Variants in RBFOX1 observed in about 807,000 individuals in gnomAD.
RBFOX1 encodes RNA binding protein fox-1 homolog 1.
RBFOX1 carries 8 observed loss-of-function variants against 57.7 expected under a neutral mutation model. The observed-to-expected ratio is 0.14, with a 90% CI of 0.08 to 0.25. The LOEUF (loss-of-function observed/expected upper bound fraction) is 0.25, where lower values mean the gene tolerates loss of function less well. RBFOX1 is among the 10% of genes least tolerant of loss of function. The pLI, the probability that RBFOX1 is intolerant of heterozygous loss-of-function variation, is 1.00. For missense variants in RBFOX1, 611 were observed against 548.5 expected, an observed-to-expected ratio of 1.11 and a Z score of -1.14; for synonymous variants, 326 against 222.4, an observed-to-expected ratio of 1.47 and a Z score of -4.15.
At chr16:5,422,563 GGGA>G (rs1409187114) in intron 1 of RBFOX1, among the ~76,000 whole-genome samples, 5 of 95,832 alleles carry the variant, frequency 5.2e-5, no homozygotes, top group African/African-American at 2.1e-4. Flanking sequence ...GGGAAGAAAG[GGGA>G]GGAGGAGGGG....
At chr16:7,253,880 A>G (rs149956349) in intron 4 of RBFOX1, among the ~76,000 whole-genome samples, 70 of 152,222 alleles carry the variant, frequency 4.6e-4, no homozygotes, top group Middle Eastern at 3.4e-3. Flanking sequence ...AGGATTTAAT[A>G]TTTTGTTCGT....
At chr16:7,218,053 ATGCGTG>A (rs1460046913) in intron 4 of RBFOX1, among the ~76,000 whole-genome samples, 2 of 143,348 alleles carry the variant, frequency 1.4e-5, no homozygotes, top group Non-Finnish European at 3.0e-5. Flanking sequence ...GTGCATTTGC[ATGCGTG>A]TGCGTGTGTG....
chr16:5,615,927 G>A (rs2048007097), intron 3 of RBFOX1, among the ~76,000 whole-genome samples: 1 of 152,184 alleles, frequency 6.6e-6, no homozygotes, highest in Non-Finnish European at 1.5e-5. Context: ...TGGAGCTTCT[G>A]TTAATGGGAA....
intron 14 of RBFOX1, among the ~76,000 whole-genome samples, chr16:7,706,129 G>A (rs1462550537): frequency 6.6e-6 from 1 of 152,146 alleles, no homozygotes; most frequent in Non-Finnish European, 1.5e-5. Flanking sequence ...TAGCACTCAA[G>A]TCCACATCTT....
At chr16:7,396,014 T>C (rs1034888503) in intron 4 of RBFOX1, among the ~76,000 whole-genome samples, 9 of 152,142 alleles carry the variant, frequency 5.9e-5, no homozygotes, top group African/African-American at 2.2e-4. Context: ...GAGCTTTCTC[T>C]TGATGGAGAG....
rs1291439626 is a variant in RBFOX1 at position 6,255,931 on chromosome 16, C to T, written c.-126-61064C>T. On this transcript the variant is annotated intron_variant, in intron 1 of 15. Coordinates refer to ENST00000550418, the MANE Select transcript of RBFOX1 (RefSeq NM_018723.4). ...GGGAGGGAGAGCGTTAGGACAAATA[C>T]CTAATGCATGCGGGGCTTAAAACCT... Among the ~76,000 whole-genome samples the T allele has an allele frequency of 2.0e-5, 3 of 151,250 alleles. No homozygotes were observed. The East Asian group carries it at 5.9e-4, about 30-fold the overall frequency.
intron 4 of RBFOX1, among the ~76,000 whole-genome samples, chr16:7,117,047 T>A (rs185634145): frequency 1.3e-5 from 2 of 152,110 alleles, no homozygotes; most frequent in Non-Finnish European, 2.9e-5. Context: ...AGGGGACAGT[T>A]TTGTCAAACA....
intron 5 of RBFOX1, among the ~76,000 whole-genome samples, chr16:7,540,521 C>G (rs1295939155): frequency 6.6e-6 from 1 of 152,180 alleles, no homozygotes; most frequent in Non-Finnish European, 1.5e-5. Context: ...CAACACATGT[C>G]AATGATTGCA....
intron 3 of RBFOX1, among the ~76,000 whole-genome samples, chr16:6,674,296 A>G (rs1447826192): frequency 3.9e-5 from 6 of 152,008 alleles, no homozygotes; most frequent in Non-Finnish European, 5.9e-5. Flanking sequence ...CGTAAAACCA[A>G]TGACTGGGTT....
intron 4 of RBFOX1, among the ~76,000 whole-genome samples, chr16:7,228,946 T>C (rs529315034): frequency 6.6e-6 from 1 of 152,072 alleles, no homozygotes; most frequent in Non-Finnish European, 1.5e-5. Flanking sequence ...TATAATAATA[T>C]TACAAGGCTT....
At chr16:6,386,944 TAA>T (rs1040422026) in intron 2 of RBFOX1, among the ~76,000 whole-genome samples, 76 of 151,956 alleles carry the variant, frequency 5.0e-4, no homozygotes, top group Admixed American at 2.2e-3. Flanking sequence ...GGTTGAAAAA[TAA>T]AGAGAGAGGT....
chr16:7,076,631 T>G (rs192594752), intron 4 of RBFOX1, among the ~76,000 whole-genome samples: 224 of 152,306 alleles, frequency 1.5e-3, no homozygotes, highest in Admixed American at 4.6e-3. Context: ...ACATGAAATT[T>G]TTTTCCTCCC....
intron 4 of RBFOX1, among the ~76,000 whole-genome samples, chr16:7,269,212 C>A (rs2095257101): frequency 6.6e-6 from 1 of 152,022 alleles, no homozygotes; most frequent in Admixed American, 6.6e-5. Context: ...TGACTTGTTC[C>A]ACATTTTCTT....
At chr16:7,417,645 C>T (rs139488803) in intron 4 of RBFOX1, among the ~76,000 whole-genome samples, 1 of 152,036 alleles carries the variant, frequency 6.6e-6, no homozygotes, top group African/African-American at 2.4e-5. Context: ...TCACAAAGAT[C>T]CTAGGCTCTA....
At chr16:5,741,295 A>T (rs1439491549) in intron 3 of RBFOX1, among the ~76,000 whole-genome samples, 1 of 152,200 alleles carries the variant, frequency 6.6e-6, no homozygotes, top group Non-Finnish European at 1.5e-5. Context: ...CCGCAAGCCC[A>T]TCAATCCTGT....
intron 3 of RBFOX1, among the ~76,000 whole-genome samples, chr16:7,038,433 G>T (rs986869693): frequency 6.6e-6 from 1 of 152,098 alleles, no homozygotes; most frequent in African/African-American, 2.4e-5. Context: ...CTCTGCCTTG[G>T]TTCACAAAAT....
At chr16:6,727,310 A>G (rs1021280395) in intron 3 of RBFOX1, among the ~76,000 whole-genome samples, 1 of 150,918 alleles carries the variant, frequency 6.6e-6, no homozygotes, top group East Asian at 1.9e-4. Context: ...CTTTCAGTAG[A>G]AAAAAAAACG....
intron 1 of RBFOX1, among the ~76,000 whole-genome samples, chr16:6,298,482 G>GT (rs2078403486): frequency 6.6e-6 from 1 of 152,184 alleles, no homozygotes; most frequent in Non-Finnish European, 1.5e-5. Flanking sequence ...TTGTTTATAA[G>GT]TTTTCACAAT....
At chr16:5,788,348 G>C (rs954807672) in intron 3 of RBFOX1, among the ~76,000 whole-genome samples, 1 of 152,186 alleles carries the variant, frequency 6.6e-6, no homozygotes, top group Non-Finnish European at 1.5e-5. Flanking sequence ...AACACTTGTG[G>C]CTGGGCGTGG....
Sources: gnomAD v4.1 joint callset for allele counts (sites outside exome capture counted in the v4.1 genomes callset) on GRCh38, gnomAD v4.1.1 for gene constraint, MANE v1.5 for transcripts, NCBI Gene and HGNC (gene_info 2026-07-23, HGNC 2026-07-21) for gene names.